CACNA1D: variants seen among roughly 807,000 people sequenced by gnomAD.
CACNA1D encodes the protein voltage-dependent L-type calcium channel subunit alpha-1D.
In CACNA1D, 55 loss-of-function variants were observed where a neutral mutation model predicts 257.1. That is an observed-to-expected ratio of 0.21 (90% CI 0.17 to 0.27). The LOEUF is 0.27. Ranked by LOEUF, CACNA1D falls within the 10% of genes least tolerant of loss-of-function variation. The probability of loss-of-function intolerance (pLI) is 1.00; values close to 1 mark genes in which losing one functional copy is unlikely to be tolerated. For synonymous variants in CACNA1D, 980 were observed against 1,014.9 expected (o/e 0.97, Z 0.65); for missense variants, 1,876 against 2,784.0 (o/e 0.67, Z 7.34).
At chr3:53,724,566 G>A (rs746474925) in intron 14 of CACNA1D, among the ~76,000 whole-genome samples, 2 of 152,196 alleles carry the variant, frequency 1.3e-5, no homozygotes, top group Admixed American at 6.5e-5. Context: ...AGAAGGGAGC[G>A]GTGGTTGCAG....
chr3:53,755,407 C>A (rs1483442201), intron 29 of CACNA1D, among the ~76,000 whole-genome samples: 1 of 152,170 alleles, frequency 6.6e-6, no homozygotes, highest in Non-Finnish European at 1.5e-5. Flanking sequence ...GCATTGACAG[C>A]CCAGTAGTGC....
intron 3 of CACNA1D, among the ~76,000 whole-genome samples, chr3:53,628,325 T>C (rs923081378): frequency 6.6e-6 from 1 of 152,214 alleles, no homozygotes; most frequent in African/African-American, 2.4e-5. Flanking sequence ...TTAAGTATTC[T>C]TTAAGGCCAT....
intron 3 of CACNA1D, among the ~76,000 whole-genome samples, chr3:53,612,511 C>T (rs943374216): frequency 1.3e-5 from 2 of 152,210 alleles, no homozygotes; most frequent in African/African-American, 2.4e-5. Context: ...TAACCCTATG[C>T]GAATGCTGGG....
intron 4 of CACNA1D, among the ~76,000 whole-genome samples, chr3:53,652,555 A>G (rs944052907): frequency 3.3e-5 from 5 of 152,230 alleles, no homozygotes; most frequent in Non-Finnish European, 7.3e-5. Context: ...GAGCTGTAAA[A>G]TGAATAATAA....
chr3:53,603,569 G>T (rs918699526), intron 3 of CACNA1D, among the ~76,000 whole-genome samples: 1 of 152,158 alleles, frequency 6.6e-6, no homozygotes, highest in Non-Finnish European at 1.5e-5. Context: ...AAATGAGAAT[G>T]CTTCATAAAT....
intron 3 of CACNA1D, among the ~76,000 whole-genome samples, chr3:53,597,585 C>T (rs1005955814): frequency 6.6e-5 from 10 of 152,338 alleles, no homozygotes; most frequent in South Asian, 2.1e-4. Context: ...CAATTGCTAT[C>T]ATCCTGGGTT....
At chr3:53,645,851 G>A (rs183655905) in intron 3 of CACNA1D, among the ~76,000 whole-genome samples, 3 of 152,202 alleles carry the variant, frequency 2.0e-5, no homozygotes, top group African/African-American at 7.2e-5. Context: ...AGAGGGTTGG[G>A]GAGACTGTTT....
At chr3:53,743,197 T>G (rs548253039) in intron 22 of CACNA1D, 80 bp downstream of exon 22, 1 of 853,850 alleles carries the variant, frequency 1.2e-6, no homozygotes, top group South Asian at 1.4e-5. Context: ...TGATAAAGGC[T>G]GGGCATCATT....
rs768059688 is a variant in CACNA1D, at chr3:53,774,543, A to G, written c.4111-44A>G. 6 of 1,194,554 alleles carry G rather than the reference A, an allele frequency of 5.0e-6. No individual in the cohort carries two copies. The East Asian group carries it at 1.4e-4, about 28-fold the overall frequency. 74.0% of individuals were successfully genotyped at this position (1,194,554 alleles called of 1,614,324 possible). On this transcript the variant is annotated intron_variant, in intron 33 of 47. Coordinates refer to ENST00000350061, the MANE Select transcript of CACNA1D (RefSeq NM_001128840.3). The surrounding 1 kb of genome is among the most constrained non-coding windows in gnomAD (Gnocchi z 4.3). ...AAATTCACATACGGATTTTTTTTGCATGACGAAATCTATTCTCTTTTTCCT... is the reference window on the plus strand; with the variant it reads ...AAATTCACATACGGATTTTTTTTGCGTGACGAAATCTATTCTCTTTTTCCT...
intron 5 of CACNA1D, among the ~76,000 whole-genome samples, chr3:53,661,448 C>T (rs1162893712): frequency 6.6e-6 from 1 of 152,108 alleles, no homozygotes; most frequent in African/African-American, 2.4e-5. Flanking sequence ...AAGTCAAAAC[C>T]ACAGAACTGT....
chr3:53,545,945 C>T (rs980277565), intron 3 of CACNA1D, among the ~76,000 whole-genome samples: 2 of 152,026 alleles, frequency 1.3e-5, no homozygotes, highest in Non-Finnish European at 1.5e-5. Flanking sequence ...TACAGAATCA[C>T]GGGAAAATAG....
At chr3:53,693,465 T>A (rs533157047) in intron 8 of CACNA1D, among the ~76,000 whole-genome samples, 1,784 of 147,662 alleles carry the variant, frequency 0.012, 25 homozygotes, top group African/African-American at 0.043. Flanking sequence ...GCTGTTATTT[T>A]TTTTTTTTTT....
chr3:53,693,024 C>T (rs1480298613), intron 8 of CACNA1D, among the ~76,000 whole-genome samples: 3 of 152,146 alleles, frequency 2.0e-5, no homozygotes, highest in South Asian at 2.1e-4. Context: ...CCTGGGCAGC[C>T]GAGCCCAGAC....
At chr3:53,810,657 C>G (rs2095593069) in intron 47 of CACNA1D, 1 of 349,044 alleles carries the variant, frequency 2.9e-6, no homozygotes, top group African/African-American at 2.2e-5. Flanking sequence ...ACTCAGGAGG[C>G]TGCAGCAGGA....
At chr3:53,614,729 C>A (rs1010466998) in intron 3 of CACNA1D, among the ~76,000 whole-genome samples, 9 of 152,188 alleles carry the variant, frequency 5.9e-5, no homozygotes, top group Non-Finnish European at 1.3e-4. Context: ...TTCCATACGT[C>A]CCTTTTGTGT....
At chr3:53,501,991 G>A (rs1015803873) in intron 3 of CACNA1D, among the ~76,000 whole-genome samples, 1 of 151,382 alleles carries the variant, frequency 6.6e-6, no homozygotes, top group East Asian at 1.9e-4. Flanking sequence ...TAAAATAACT[G>A]TTATCTCCAC....
At chr3:53,737,386 A>C (rs1416379983) in intron 20 of CACNA1D, among the ~76,000 whole-genome samples, 2 of 152,232 alleles carry the variant, frequency 1.3e-5, no homozygotes, top group Non-Finnish European at 2.9e-5. Flanking sequence ...TATCTTGGGA[A>C]ATCTAGAGAT....
chr3:53,558,837 G>A (rs2359453), intron 3 of CACNA1D, among the ~76,000 whole-genome samples: 118,095 of 152,024 alleles, frequency 0.78, 46,644 homozygotes, highest in African/African-American at 0.9. Flanking sequence ...ATCTTTCTAG[G>A]TATTGATTTC....
intron 3 of CACNA1D, among the ~76,000 whole-genome samples, chr3:53,565,994 A>G (rs1199720531): frequency 6.6e-6 from 1 of 152,186 alleles, no homozygotes; most frequent in Non-Finnish European, 1.5e-5. Flanking sequence ...AGAAAGTATT[A>G]CTTATACTGT....
Sources: gnomAD v4.1 joint callset for allele counts (sites outside exome capture counted in the v4.1 genomes callset) on GRCh38, gnomAD v4.1.1 for gene constraint, Gnocchi (gnomAD v3.1) non-coding constraint, MANE v1.5 for transcripts, NCBI Gene and HGNC (gene_info 2026-07-23, HGNC 2026-07-21) for gene names.